The following MGAT4C variants were observed in gnomAD, a reference collection of about 807,000 sequenced individuals.
MGAT4C encodes alpha-1,3-mannosyl-glycoprotein 4-beta-N-acetylglucosaminyltransferase C.
MGAT4C carries 19 observed loss-of-function variants against 40.1 expected under a neutral mutation model. The observed-to-expected ratio is 0.47, with a 90% CI of 0.33 to 0.70. The LOEUF is 0.70. Ranked by LOEUF, MGAT4C falls within the 30% of genes least tolerant of loss-of-function variation. MGAT4C has a pLI of 0.02. For missense variants in MGAT4C, 491 were observed against 563.2 expected (o/e 0.87, Z 1.30); for synonymous variants, 181 against 187.1 (o/e 0.97, Z 0.27).
intron 4 of MGAT4C, among the ~76,000 whole-genome samples, chr12:86,302,025 A>G (rs764643069): frequency 6.9e-6 from 1 of 144,914 alleles, no homozygotes; most frequent in Admixed American, 6.7e-5. Flanking sequence ...AATCTATTTT[A>G]ATTACTTATG....
At chr12:86,358,271 G>A (rs2136198736) in intron 3 of MGAT4C, among the ~76,000 whole-genome samples, 1 of 152,116 alleles carries the variant, frequency 6.6e-6, no homozygotes, top group African/African-American at 2.4e-5. Flanking sequence ...TTACAGACAA[G>A]TAAATATTGA....
chr12:86,823,958 C>T (rs1219706395), intron 1 of MGAT4C, among the ~76,000 whole-genome samples: 4 of 151,364 alleles, frequency 2.6e-5, no homozygotes, highest in Non-Finnish European at 5.9e-5. Flanking sequence ...GTTGCAACCA[C>T]GGTTTGAACA....
At chr12:86,582,880 C>A (rs74549741) in intron 2 of MGAT4C, among the ~76,000 whole-genome samples, 4,676 of 151,010 alleles carry the variant, frequency 0.031, 121 homozygotes, top group African/African-American at 0.074. Context: ...TTCGGGTTAA[C>A]CAAACAAATC....
rs946248032 is a variant in MGAT4C, at chr12:85,962,409, T to C, written c.*16880A>G. ...TGAAGTAAAATTATATAATTAATTA[T>C]ATAATTATATAATTATATAAAATTT... On this transcript the variant is annotated 3_prime_UTR_variant, in exon 5 of 5. Transcript: ENST00000611864. 7 of 147,196 alleles carry C rather than the reference T, an allele frequency of 4.8e-5. No homozygotes were observed. The highest frequency in any genetic ancestry group is 2.7e-4 in the Admixed American group (4 of 14,590). 9.1% of individuals were successfully genotyped at this position (147,196 alleles called of 1,614,324 possible).
rs989953425 is a variant in MGAT4C at position 85,971,750 on chromosome 12, T to G, written c.*7539A>C. 1 of 151,184 alleles carries G rather than the reference T, an allele frequency of 6.6e-6. No individual in the cohort carries two copies. Among genetic ancestry groups the G allele is most frequent in the African/African-American group, 2.4e-5 (1 of 41,330 alleles). 9.4% of individuals were successfully genotyped at this position (151,184 alleles called of 1,614,324 possible). On this transcript the variant is annotated 3_prime_UTR_variant, in exon 5 of 5. Coordinates refer to ENST00000611864, the MANE Select transcript of MGAT4C (RefSeq NM_001351288.2). ...TGCAATGCTGACAGGAAAGAAGAAC[T>G]TGCTTGAGGCAAAATCATGAAGTAC...
At chr12:86,412,549 G>A (rs766831468) in intron 3 of MGAT4C, among the ~76,000 whole-genome samples, 1 of 152,136 alleles carries the variant, frequency 6.6e-6, no homozygotes, top group Non-Finnish European at 1.5e-5. Flanking sequence ...TTTTGGAATG[G>A]GAGTATTTAA....
chr12:86,280,263 T>G (rs575821291), intron 4 of MGAT4C, among the ~76,000 whole-genome samples: 1 of 152,084 alleles, frequency 6.6e-6, no homozygotes, highest in Non-Finnish European at 1.5e-5. Flanking sequence ...GTTATTATAT[T>G]GGAGTCTATC....
At chr12:86,363,373 C>T (rs1336083921) in intron 3 of MGAT4C, among the ~76,000 whole-genome samples, 2 of 151,738 alleles carry the variant, frequency 1.3e-5, no homozygotes, top group African/African-American at 2.4e-5. Flanking sequence ...ATTTATAAGT[C>T]AAAAAGAAGT....
intron 2 of MGAT4C, among the ~76,000 whole-genome samples, chr12:86,563,885 G>C (rs921506556): frequency 2.6e-5 from 4 of 152,176 alleles, no homozygotes; most frequent in Non-Finnish European, 4.4e-5. Flanking sequence ...CCCAGTGCCA[G>C]AATGCATAAT....
At chr12:86,049,988 A>T (rs1223186110) in intron 1 of MGAT4C, among the ~76,000 whole-genome samples, 1 of 151,934 alleles carries the variant, frequency 6.6e-6, no homozygotes, top group Non-Finnish European at 1.5e-5. Context: ...TATTTGAATT[A>T]TATATAACAT....
rs143980140 is a variant in MGAT4C at position 86,114,570 on chromosome 12, T to A, written c.-56-64847A>T. 3.0e-3 allele frequency among the ~76,000 whole-genome samples: 455 copies of A among 152,076 alleles called. 13 individuals are homozygous for A. Among genetic ancestry groups the A allele is most frequent in the Admixed American group, 0.028 (420 of 15,222 alleles). ...TCATCATTAATTAGGCATTTATAAT[T>A]TTTTAGACAGTATGTTAAATGCTTC... On this transcript the variant is annotated intron_variant, in intron 1 of 4. Transcript: ENST00000611864.
intron 4 of MGAT4C, among the ~76,000 whole-genome samples, chr12:86,316,987 G>C (rs78789963): frequency 0.03 from 4,557 of 151,528 alleles, 220 homozygotes; most frequent in African/African-American, 0.1. Context: ...AATCAAAAAG[G>C]AATCAAGGAA....
chr12:86,372,432 C>T (rs1335537987), intron 3 of MGAT4C, among the ~76,000 whole-genome samples: 1 of 151,782 alleles, frequency 6.6e-6, no homozygotes, highest in East Asian at 1.9e-4. Context: ...TTTAAAATCA[C>T]ATAATTCTAT....
intron 2 of MGAT4C, among the ~76,000 whole-genome samples, chr12:86,665,209 G>A (rs1964073515): frequency 6.6e-6 from 1 of 152,092 alleles, no homozygotes; most frequent in South Asian, 2.1e-4. Context: ...CGACATAGGG[G>A]ATACAGTATT....
At chr12:86,174,171 T>G (rs929567046) in intron 1 of MGAT4C, among the ~76,000 whole-genome samples, 1 of 144,814 alleles carries the variant, frequency 6.9e-6, no homozygotes, top group South Asian at 2.3e-4. Context: ...AATAAAAAAC[T>G]GAATTAAATG....
intron 1 of MGAT4C, among the ~76,000 whole-genome samples, chr12:86,830,209 G>A (rs1952894474): frequency 6.6e-6 from 1 of 151,272 alleles, no homozygotes; most frequent in African/African-American, 2.4e-5. Flanking sequence ...CTGTATGCCC[G>A]TTTGTGCTTT....
intron 3 of MGAT4C, among the ~76,000 whole-genome samples, chr12:85,988,678 G>T (rs61931063): frequency 0.16 from 24,055 of 151,758 alleles, 2,252 homozygotes; most frequent in African/African-American, 0.27. Flanking sequence ...GAAATGATGT[G>T]ATGATAACAA....
At chr12:86,655,883 C>T (rs1963836151) in intron 2 of MGAT4C, among the ~76,000 whole-genome samples, 1 of 151,992 alleles carries the variant, frequency 6.6e-6, no homozygotes, top group Non-Finnish European at 1.5e-5. Flanking sequence ...CAGAAAAGCT[C>T]ACACGAGGAG....
chr12:86,185,000 G>A (rs910010778), intron 1 of MGAT4C, among the ~76,000 whole-genome samples: 7 of 152,014 alleles, frequency 4.6e-5, no homozygotes, highest in South Asian at 2.1e-4. Flanking sequence ...TCTACTTTTC[G>A]TTTCCTGTTT....
Sources: allele counts gnomAD v4.1 joint callset (sites outside exome capture counted in the v4.1 genomes callset), GRCh38; gene constraint gnomAD v4.1.1; transcripts MANE v1.5; gene names NCBI Gene and HGNC (gene_info 2026-07-23, HGNC 2026-07-21).